The following SNTB1 variants were observed in gnomAD, a reference collection of about 807,000 sequenced individuals.
SNTB1 encodes the protein beta-1-syntrophin.
A neutral mutation model predicts 48.9 loss-of-function variants in SNTB1; 36 were observed. That is an observed-to-expected ratio of 0.74 (90% CI 0.56 to 0.97). The LOEUF (loss-of-function observed/expected upper bound fraction) is 0.97, where lower values mean the gene tolerates loss of function less well. Ranked by LOEUF, SNTB1 falls within the 50% of genes least tolerant of loss-of-function variation. The pLI, the probability that SNTB1 is intolerant of heterozygous loss-of-function variation, is 0.00. For synonymous variants in SNTB1, 299 were observed against 294.6 expected, an observed-to-expected ratio of 1.01 and a Z score of -0.15; for missense variants, 786 against 703.4, an observed-to-expected ratio of 1.12 and a Z score of -1.33.
chr8:120,563,298 T>C (rs1815693494), intron 4 of SNTB1, among the ~76,000 whole-genome samples: 1 of 152,110 alleles, frequency 6.6e-6, no homozygotes, highest in Non-Finnish European at 1.5e-5. Flanking sequence ...ACCTTTTTTT[T>C]TTTTAATGTT....
chr8:120,638,840 T>C (rs1817131368), intron 2 of SNTB1, among the ~76,000 whole-genome samples: 1 of 152,230 alleles, frequency 6.6e-6, no homozygotes, highest in Non-Finnish European at 1.5e-5. Context: ...GTCTTTGCTA[T>C]TGTGAATAGT....
intron 2 of SNTB1, among the ~76,000 whole-genome samples, chr8:120,651,704 A>C (rs1817413651): frequency 6.6e-6 from 1 of 152,200 alleles, no homozygotes; most frequent in Non-Finnish European, 1.5e-5. Context: ...AAAATGAGGA[A>C]ATGCAGTAAG....
At chr8:120,733,593 T>TTTATCTCCTGC (rs1324370256) in intron 1 of SNTB1, among the ~76,000 whole-genome samples, 1 of 152,268 alleles carries the variant, frequency 6.6e-6, no homozygotes, top group Non-Finnish European at 1.5e-5. Flanking sequence ...AGCATGAATA[T>TTTATCTCCTGC]TTATCTCCTG....
At chr8:120,599,992 G>A (rs958258644) in intron 3 of SNTB1, among the ~76,000 whole-genome samples, 3 of 152,146 alleles carry the variant, frequency 2.0e-5, no homozygotes, top group South Asian at 2.1e-4. Context: ...AGAAAATGCC[G>A]GGAAGTAACA....
At chr8:120,680,953 A>G (rs1817920695) in intron 2 of SNTB1, among the ~76,000 whole-genome samples, 1 of 149,930 alleles carries the variant, frequency 6.7e-6, no homozygotes, top group Admixed American at 6.6e-5. Context: ...AAGTCATAGA[A>G]CCATGCTTGG....
At chr8:120,679,789 GA>G (rs1406046829) in intron 2 of SNTB1, among the ~76,000 whole-genome samples, 1 of 151,504 alleles carries the variant, frequency 6.6e-6, no homozygotes, top group Non-Finnish European at 1.5e-5. Context: ...ACCCCTCCTA[GA>G]AAAAAGTTCA....
intron 3 of SNTB1, among the ~76,000 whole-genome samples, chr8:120,601,882 C>T (rs1816427764): frequency 6.6e-6 from 1 of 152,196 alleles, no homozygotes; most frequent in South Asian, 2.1e-4. Context: ...AGCCCTCAGA[C>T]AGTCACCAGC....
At chr8:120,796,375 G>A (rs568884716) in intron 1 of SNTB1, among the ~76,000 whole-genome samples, 3 of 152,098 alleles carry the variant, frequency 2.0e-5, no homozygotes, top group South Asian at 2.1e-4. Flanking sequence ...ACCCTATCTC[G>A]AAATAAGATC....
chr8:120,655,680 A>G (rs951201654), intron 2 of SNTB1, among the ~76,000 whole-genome samples: 1 of 152,220 alleles, frequency 6.6e-6, no homozygotes, highest in African/African-American at 2.4e-5. Flanking sequence ...TTGCTGTTCA[A>G]TATCTTTTGA....
intron 3 of SNTB1, among the ~76,000 whole-genome samples, chr8:120,581,478 C>A (rs899738458): frequency 6.6e-6 from 1 of 151,906 alleles, no homozygotes; most frequent in Non-Finnish European, 1.5e-5. Context: ...GTGGTGCACA[C>A]CTGTAGTCCC....
chr8:120,611,445 A>T (rs965882670), intron 3 of SNTB1, among the ~76,000 whole-genome samples: 1 of 152,226 alleles, frequency 6.6e-6, no homozygotes, highest in Admixed American at 6.5e-5. Flanking sequence ...TCCTTACAGC[A>T]GTCTGTGAAG....
intron 1 of SNTB1, among the ~76,000 whole-genome samples, chr8:120,770,828 A>T (rs571365594): frequency 3.3e-4 from 50 of 152,292 alleles, no homozygotes; most frequent in African/African-American, 6.3e-4. Flanking sequence ...AAAAATTTTT[A>T]AAAAGTACAG....
intron 1 of SNTB1, among the ~76,000 whole-genome samples, chr8:120,763,054 C>A (rs1477731284): frequency 6.6e-6 from 1 of 152,190 alleles, no homozygotes; most frequent in Non-Finnish European, 1.5e-5. Context: ...TTCTGACTCA[C>A]AAGCTCAGTC....
chr8:120,790,701 A>C (rs1013826809), intron 1 of SNTB1, among the ~76,000 whole-genome samples: 1 of 151,938 alleles, frequency 6.6e-6, no homozygotes, highest in Non-Finnish European at 1.5e-5. Flanking sequence ...AAAGATGTCT[A>C]CCAGGAGAAC....
At chr8:120,809,809 C>T (rs1015223255) in intron 1 of SNTB1, among the ~76,000 whole-genome samples, 2 of 152,174 alleles carry the variant, frequency 1.3e-5, no homozygotes, top group African/African-American at 2.4e-5. Context: ...CTTTCTGGGT[C>T]CAGGGTGGCA....
chr8:120,668,851 G>A (rs894953073), intron 2 of SNTB1, among the ~76,000 whole-genome samples: 1 of 152,186 alleles, frequency 6.6e-6, no homozygotes, highest in Non-Finnish European at 1.5e-5. Context: ...GAAACTCTGG[G>A]GAGAAATACT....
At chr8:120,665,019 G>C (rs543601234) in intron 2 of SNTB1, among the ~76,000 whole-genome samples, 318 of 152,288 alleles carry the variant, frequency 2.1e-3, no homozygotes, top group Non-Finnish European at 4.0e-3. Context: ...TGTGTGCATT[G>C]ACTAATGAAG....
At chr8:120,553,992 C>T (rs910959081) in intron 4 of SNTB1, among the ~76,000 whole-genome samples, 21 of 151,978 alleles carry the variant, frequency 1.4e-4, no homozygotes, top group Non-Finnish European at 4.4e-5. Flanking sequence ...AGCGAGACTC[C>T]GTCTCAAAGA....
chr8:120,582,964 A>G (rs28434614), intron 3 of SNTB1, among the ~76,000 whole-genome samples: 3,409 of 152,230 alleles, frequency 0.022, 115 homozygotes, highest in African/African-American at 0.079. Context: ...ACATCACTAC[A>G]TAGTCTGCAG....
Sources: allele counts gnomAD v4.1 joint callset (sites outside exome capture counted in the v4.1 genomes callset), GRCh38; gene constraint gnomAD v4.1.1; transcripts MANE v1.5; gene names NCBI Gene and HGNC (gene_info 2026-07-23, HGNC 2026-07-21).